Variants in ARMH4 observed in about 807,000 individuals in gnomAD.
The protein encoded by ARMH4 is armadillo-like helical domain-containing protein 4.
Under a neutral mutation model 61.9 loss-of-function variants are expected in ARMH4, and 49 were observed. That is an observed-to-expected ratio of 0.79 (90% CI 0.63 to 1.00). ARMH4 has a LOEUF of 1.00. Ranked by LOEUF, ARMH4 falls within the 50% of genes least tolerant of loss-of-function variation. The pLI is 0.00. For synonymous variants in ARMH4, 368 were observed against 341.5 expected, an observed-to-expected ratio of 1.08 and a Z score of -0.85; for missense variants, 934 against 930.0, an observed-to-expected ratio of 1.00 and a Z score of -0.06.
At chr14:58,104,459 A>G (rs952050763) in intron 4 of ARMH4, among the ~76,000 whole-genome samples, 12 of 152,214 alleles carry the variant, frequency 7.9e-5, no homozygotes, top group African/African-American at 2.9e-4. Flanking sequence ...CTGTGTGGAA[A>G]AGATAGAAGG....
At chr14:58,119,706 C>T (rs1027636829) in intron 4 of ARMH4, among the ~76,000 whole-genome samples, 5 of 152,190 alleles carry the variant, frequency 3.3e-5, no homozygotes, top group Admixed American at 1.3e-4. Context: ...ATCTAGTTTA[C>T]TGTAAACTAG....
intron 5 of ARMH4, among the ~76,000 whole-genome samples, chr14:58,078,871 A>C (rs569060712): frequency 6.6e-6 from 1 of 152,370 alleles, no homozygotes; most frequent in South Asian, 2.1e-4. Flanking sequence ...TTTTCTTGCC[A>C]GAAACTGGTT....
intron 5 of ARMH4, among the ~76,000 whole-genome samples, chr14:58,085,693 A>G (rs1202213781): frequency 1.3e-5 from 2 of 152,204 alleles, no homozygotes; most frequent in African/African-American, 4.8e-5. Flanking sequence ...GCTTCTAAGA[A>G]GCATTGAGTC....
chr14:58,046,012 T>C (rs1172243163), intron 5 of ARMH4, among the ~76,000 whole-genome samples: 2 of 152,210 alleles, frequency 1.3e-5, no homozygotes, highest in South Asian at 2.1e-4. Context: ...GAACCAACCC[T>C]GCTGACACCT....
At chr14:58,019,501 A>C (rs1301945541) in intron 5 of ARMH4, among the ~76,000 whole-genome samples, 2 of 152,194 alleles carry the variant, frequency 1.3e-5, no homozygotes, top group Non-Finnish European at 2.9e-5. Flanking sequence ...TACGAGTCCC[A>C]GGTGTAGCAA....
At chr14:58,076,245 G>A (rs995323398) in intron 5 of ARMH4, among the ~76,000 whole-genome samples, 1 of 152,172 alleles carries the variant, frequency 6.6e-6, no homozygotes, top group African/African-American at 2.4e-5. Context: ...TTGTGGAAAT[G>A]GGAAAAGATG....
At chr14:58,149,941 A>C (rs2140008088) in intron 1 of ARMH4, among the ~76,000 whole-genome samples, 1 of 152,356 alleles carries the variant, frequency 6.6e-6, no homozygotes, top group East Asian at 1.9e-4. Flanking sequence ...AACATCAGCC[A>C]CAAATGGAGT....
chr14:58,041,212 G>A (rs1594714317), intron 5 of ARMH4, among the ~76,000 whole-genome samples: 1 of 152,118 alleles, frequency 6.6e-6, no homozygotes, highest in Non-Finnish European at 1.5e-5. Context: ...CCCTTTCCTA[G>A]CCAAGGGAAG....
At chr14:58,046,148 A>T (rs1164585137) in intron 5 of ARMH4, among the ~76,000 whole-genome samples, 1 of 152,154 alleles carries the variant, frequency 6.6e-6, no homozygotes, top group African/African-American at 2.4e-5. Context: ...AGGGTGCCTC[A>T]TTATGCACAT....
intron 5 of ARMH4, among the ~76,000 whole-genome samples, chr14:58,052,138 C>T (rs1443461849): frequency 1.3e-5 from 2 of 152,248 alleles, no homozygotes; most frequent in East Asian, 1.9e-4. Flanking sequence ...GTCCCTCCTT[C>T]GGATTCACTT....
intron 4 of ARMH4, among the ~76,000 whole-genome samples, chr14:58,108,463 C>G (rs1326061884): frequency 2.0e-5 from 3 of 152,212 alleles, no homozygotes; most frequent in African/African-American, 7.2e-5. Context: ...TAACATCCTT[C>G]TTCCCCTTAA....
At chr14:58,142,635 C>T (rs760730946) in intron 1 of ARMH4, among the ~76,000 whole-genome samples, 6 of 152,004 alleles carry the variant, frequency 3.9e-5, no homozygotes, top group Non-Finnish European at 8.8e-5. Context: ...CCATGCCTGG[C>T]TAATTTTTGT....
intron 5 of ARMH4, among the ~76,000 whole-genome samples, chr14:58,083,849 G>A (rs1201467299): frequency 6.6e-6 from 1 of 152,128 alleles, no homozygotes; most frequent in Non-Finnish European, 1.5e-5. Flanking sequence ...ATAGATTGGT[G>A]GTTCTTTCAT....
intron 5 of ARMH4, among the ~76,000 whole-genome samples, chr14:58,044,548 G>A (rs1883858641): frequency 6.6e-6 from 1 of 152,082 alleles, no homozygotes; most frequent in Non-Finnish European, 1.5e-5. Context: ...TCAGGACATG[G>A]GCATGGGCAA....
chr14:58,069,619 G>C (rs1318190103), intron 5 of ARMH4, among the ~76,000 whole-genome samples: 1 of 152,294 alleles, frequency 6.6e-6, no homozygotes, highest in South Asian at 2.1e-4. Flanking sequence ...GTTAAAAAGA[G>C]TTTGGTGGCA....
chr14:58,080,530 A>G (rs1431471775), intron 5 of ARMH4, among the ~76,000 whole-genome samples: 1 of 152,172 alleles, frequency 6.6e-6, no homozygotes, highest in African/African-American at 2.4e-5. Flanking sequence ...ATAAAATTCT[A>G]ACTCCTTTTT....
At chr14:58,067,885 T>C (rs1884755114) in intron 5 of ARMH4, among the ~76,000 whole-genome samples, 1 of 152,118 alleles carries the variant, frequency 6.6e-6, no homozygotes, top group Non-Finnish European at 1.5e-5. Context: ...CCAAGAGAAG[T>C]TGAAAGTTCA....
chr14:58,102,817 CAAA>C (rs398025219), intron 4 of ARMH4, among the ~76,000 whole-genome samples: 1 of 50,958 alleles, frequency 2.0e-5, no homozygotes, highest in Non-Finnish European at 3.5e-5. Flanking sequence ...GACTCCGTCT[CAAA>C]AAAAAAAAAA....
At chr14:58,071,785 T>C (rs1410899930) in intron 5 of ARMH4, among the ~76,000 whole-genome samples, 1 of 152,248 alleles carries the variant, frequency 6.6e-6, no homozygotes, top group Non-Finnish European at 1.5e-5. Context: ...ATTAACCCTT[T>C]AGGTATTTCA....
Sources: gnomAD v4.1 joint callset for allele counts (sites outside exome capture counted in the v4.1 genomes callset) on GRCh38, gnomAD v4.1.1 for gene constraint, MANE v1.5 for transcripts, NCBI Gene and HGNC (gene_info 2026-07-23, HGNC 2026-07-21) for gene names.